The following DOCK2 variants were observed in gnomAD, a reference collection of about 807,000 sequenced individuals.
The protein encoded by DOCK2 is dedicator of cytokinesis protein 2.
Under a neutral mutation model 248.9 loss-of-function variants are expected in DOCK2, and 87 were observed. The ratio of observed to expected loss-of-function variants is 0.35; its 90% CI spans 0.29 to 0.42. The LOEUF is 0.42. DOCK2 is among the 10% of genes least tolerant of loss of function. The pLI is 1.00. For missense variants in DOCK2, 1,747 were observed against 2,300.2 expected, an observed-to-expected ratio of 0.76 and a Z score of 4.92; for synonymous variants, 805 against 821.6, an observed-to-expected ratio of 0.98 and a Z score of 0.35.
intron 5 of DOCK2, 72 bp from the exon 6 acceptor site, chr5:169,674,225 T>G (rs1208773655): frequency 6.4e-7 from 1 of 1,573,252 alleles, no homozygotes; most frequent in Admixed American, 1.8e-5. Flanking sequence ...CACCTGACTT[T>G]GGCACAGCCT....
At chr5:169,720,599 G>T (rs1346092560) in intron 22 of DOCK2, among the ~76,000 whole-genome samples, 1 of 152,152 alleles carries the variant, frequency 6.6e-6, no homozygotes, top group Non-Finnish European at 1.5e-5. Context: ...GAATTATACA[G>T]AGTTTGGAGC....
intron 27 of DOCK2, among the ~76,000 whole-genome samples, chr5:169,969,262 T>C (rs796456440): frequency 3.3e-5 from 5 of 152,118 alleles, no homozygotes; most frequent in African/African-American, 1.2e-4. Flanking sequence ...TTGGCCAATA[T>C]GGTAAAACAC....
At chr5:169,711,852 G>C (rs1171083333) in intron 15 of DOCK2, 83 bp from the exon 16 acceptor site, 3 of 1,458,440 alleles carry the variant, frequency 2.1e-6, no homozygotes, top group Middle Eastern at 2.4e-4. Flanking sequence ...AAATGGTCAG[G>C]CTGCTGTGGA....
At chr5:169,781,159 C>T (rs1292539213) in intron 25 of DOCK2, among the ~76,000 whole-genome samples, 3 of 152,106 alleles carry the variant, frequency 2.0e-5, no homozygotes, top group Non-Finnish European at 4.4e-5. Flanking sequence ...GCTAAATGAA[C>T]CTGATGCACA....
At chr5:169,982,926 A>G in intron 27 of DOCK2, 142 bp from the exon 28 acceptor site, 1 of 729,384 alleles carries the variant, frequency 1.4e-6, no homozygotes, top group Non-Finnish European at 2.3e-6. Flanking sequence ...TATGTTCGGC[A>G]CTGCTATTAC....
intron 27 of DOCK2, among the ~76,000 whole-genome samples, chr5:169,942,571 C>T (rs1776284030): frequency 1.3e-5 from 2 of 152,218 alleles, no homozygotes; most frequent in South Asian, 4.1e-4. Flanking sequence ...CTCCCAAGTT[C>T]CCTCCATTGT....
chr5:170,066,296 A>C (rs557206909), intron 44 of DOCK2, among the ~76,000 whole-genome samples: 103 of 139,768 alleles, frequency 7.4e-4, no homozygotes, highest in African/African-American at 2.9e-3. Flanking sequence ...GTAAAAAAAA[A>C]CAAAACAAAA....
At position 170,013,546 on chromosome 5, in the gene DOCK2, G is replaced by A. The variant is rs1324263417; in HGVS notation, c.3232+4800G>A. 5.3e-5 allele frequency among the ~76,000 whole-genome samples: 8 copies of A among 152,100 alleles called. No homozygotes were observed. The East Asian group carries it at 1.5e-3, about 29-fold the overall frequency. On this transcript the variant is annotated intron_variant, in intron 32 of 51. Coordinates refer to ENST00000520908, the MANE Select transcript of DOCK2 (RefSeq NM_004946.3). Reference sequence around the variant, plus strand: ...TGTGTTGCTGGCTTTGAAGATGGAGGAAGGGGCCATGAACCAAGGAATGCA... The same window carrying A: ...TGTGTTGCTGGCTTTGAAGATGGAGAAAGGGGCCATGAACCAAGGAATGCA...
chr5:169,916,981 G>C (rs1774908981), intron 27 of DOCK2, among the ~76,000 whole-genome samples: 1 of 152,124 alleles, frequency 6.6e-6, no homozygotes, highest in Admixed American at 6.5e-5. Flanking sequence ...TCCAAATCCA[G>C]GACTGAATTC....
At chr5:169,654,314 G>T in intron 1 of DOCK2, 89 bp from the exon 2 acceptor site, 3 of 1,467,566 alleles carry the variant, frequency 2.0e-6, no homozygotes, top group South Asian at 2.4e-5. Flanking sequence ...CGTGGGCATG[G>T]GATGGACTTG....
In DOCK2 at chr5:170,075,927, C is replaced by G. The variant is rs767259583; in HGVS notation, c.4729-20C>G. 6.2e-7 allele frequency: 1 copy of G among 1,613,564 alleles called. No individual in the cohort carries two copies. Among genetic ancestry groups the G allele is most frequent in the Non-Finnish European group, 8.5e-7 (1 of 1,179,716 alleles). On this transcript the variant is annotated intron_variant, in intron 46 of 51. Transcript: ENST00000520908. ...CCCACCGGTCAGCCTCTGGCTCATTCTTTACCACTTTCTCTCCAGATCCCC... is the reference window on the plus strand; with the variant it reads ...CCCACCGGTCAGCCTCTGGCTCATTGTTTACCACTTTCTCTCCAGATCCCC...
intron 34 of DOCK2, among the ~76,000 whole-genome samples, chr5:170,032,351 T>G (rs551759173): frequency 1.8e-4 from 27 of 152,240 alleles, no homozygotes; most frequent in African/African-American, 5.3e-4. Context: ...GTTAGTTCCA[T>G]GTTGGAATCT....
intron 27 of DOCK2, among the ~76,000 whole-genome samples, chr5:169,923,963 T>G (rs33373): frequency 1.3e-5 from 2 of 152,024 alleles, no homozygotes; most frequent in African/African-American, 4.8e-5. Flanking sequence ...AACATTGCGG[T>G]TGGCAAAATG....
At chr5:169,739,071 T>G (rs766327352) in intron 22 of DOCK2, among the ~76,000 whole-genome samples, 3 of 152,204 alleles carry the variant, frequency 2.0e-5, no homozygotes, top group Non-Finnish European at 2.9e-5. Flanking sequence ...AGGAAAATGT[T>G]AAAAGAAGAA....
chr5:169,991,186 G>C (rs1242718575), intron 29 of DOCK2, among the ~76,000 whole-genome samples: 1 of 152,214 alleles, frequency 6.6e-6, no homozygotes, highest in African/African-American at 2.4e-5. Context: ...TCCATTCCTG[G>C]GCCTGGGCCA....
At chr5:169,680,282 G>A (rs1009283192) in intron 6 of DOCK2, among the ~76,000 whole-genome samples, 2 of 152,172 alleles carry the variant, frequency 1.3e-5, no homozygotes, top group Non-Finnish European at 2.9e-5. Flanking sequence ...GAATTAAATG[G>A]ATTAATTTTA....
intron 26 of DOCK2, among the ~76,000 whole-genome samples, chr5:169,817,495 G>A (rs10065492): frequency 0.064 from 9,733 of 152,198 alleles, 772 homozygotes; most frequent in African/African-American, 0.19. Flanking sequence ...TGGCCTCAGT[G>A]GTCTATTCAT....
At chr5:169,881,375 T>C in intron 27 of DOCK2, 5 of 1,551,494 alleles carry the variant, frequency 3.2e-6, no homozygotes, top group Non-Finnish European at 4.4e-6. Flanking sequence ...TACCTGTATA[T>C]GATGCACGCC....
chr5:169,656,841 G>GC, intron 2 of DOCK2, among the ~76,000 whole-genome samples: 1 of 152,182 alleles, frequency 6.6e-6, no homozygotes, highest in Non-Finnish European at 1.5e-5. Context: ...CTGGCCTGGT[G>GC]CCCTGACCTT....
Sources: gnomAD v4.1 joint callset for allele counts (sites outside exome capture counted in the v4.1 genomes callset) on GRCh38, gnomAD v4.1.1 for gene constraint, MANE v1.5 for transcripts, NCBI Gene and HGNC (gene_info 2026-07-23, HGNC 2026-07-21) for gene names.